The following OXR1 variants were observed in gnomAD, a reference collection of about 807,000 sequenced individuals.
OXR1 encodes the protein oxidation resistance protein 1.
Under a neutral mutation model 104.6 loss-of-function variants are expected in OXR1, and 41 were observed. That is an observed-to-expected ratio of 0.39 (90% CI 0.31 to 0.51). The LOEUF (loss-of-function observed/expected upper bound fraction) is 0.51, where lower values mean the gene tolerates loss of function less well. Among genes scored for constraint, OXR1 ranks in the 20% least tolerant of loss-of-function variants. OXR1 has a pLI of 0.77. For missense variants in OXR1, 955 were observed against 1,031.9 expected, an observed-to-expected ratio of 0.93 and a Z score of 1.02; for synonymous variants, 348 against 348.4, an observed-to-expected ratio of 1.00 and a Z score of 0.01.
At chr8:106,694,733 T>TA (rs1829728308) in intron 7 of OXR1, among the ~76,000 whole-genome samples, 1 of 103,916 alleles carries the variant, frequency 9.6e-6, no homozygotes, top group Non-Finnish European at 1.8e-5. Context: ...TTTATATATT[T>TA]ATATATATAT....
chr8:106,504,521 A>G (rs1812026019), intron 2 of OXR1, among the ~76,000 whole-genome samples: 4 of 152,212 alleles, frequency 2.6e-5, no homozygotes, highest in Admixed American at 2.0e-4. Context: ...AGTGGCTGAT[A>G]GCAAATGGAT....
At chr8:106,663,309 A>T (rs1380794226) in intron 3 of OXR1, among the ~76,000 whole-genome samples, 1 of 152,246 alleles carries the variant, frequency 6.6e-6, no homozygotes, top group Non-Finnish European at 1.5e-5. Flanking sequence ...CAAGAGTTAC[A>T]GTCCTTGAGA....
chr8:106,555,537 TGAAGAGTCTATA>T (rs1448082259), intron 3 of OXR1, among the ~76,000 whole-genome samples: 6 of 152,006 alleles, frequency 3.9e-5, no homozygotes, highest in African/African-American at 1.4e-4. Flanking sequence ...AGCAGGAAAA[TGAAGAGTCTATA>T]GATGAGAAAT....
intron 1 of OXR1, among the ~76,000 whole-genome samples, chr8:106,358,170 C>T (rs947792526): frequency 1.3e-5 from 2 of 152,172 alleles, no homozygotes; most frequent in African/African-American, 4.8e-5. Context: ...TCTTGGACCA[C>T]GAAGGCAAAC....
chr8:106,730,386 A>G (rs1833771441), intron 11 of OXR1, among the ~76,000 whole-genome samples: 1 of 151,848 alleles, frequency 6.6e-6, no homozygotes, highest in Non-Finnish European at 1.5e-5. Context: ...TGCCACAGCT[A>G]TTTATCACTC....
Position 106,487,691 on chromosome 8 carries a change from C to T in OXR1, c.24-31252C>T, listed in dbSNP as rs1273562339. 8.7e-5 allele frequency among the ~76,000 whole-genome samples: 13 copies of T among 148,658 alleles called. No homozygotes were observed. The East Asian group carries it at 1.4e-3, about 16-fold the overall frequency. ...TGCGGTGTTTGGTTTTTTGTTCTTG[C>T]GATAGTTTACTGAGAATGATGATTT... On this transcript the variant is annotated intron_variant, in intron 2 of 16. Transcript: ENST00000517566.
At chr8:106,331,076 C>T (rs1421370897) in intron 1 of OXR1, among the ~76,000 whole-genome samples, 2 of 152,078 alleles carry the variant, frequency 1.3e-5, no homozygotes, top group African/African-American at 4.8e-5. Flanking sequence ...TGGTGAGTTG[C>T]CCAGAATTGC....
At chr8:106,270,670 CG>C (rs894396740) in intron 1 of OXR1, among the ~76,000 whole-genome samples, 1 of 151,918 alleles carries the variant, frequency 6.6e-6, no homozygotes, top group Non-Finnish European at 1.5e-5. Context: ...GGAGACCGGG[CG>C]GGGAGGCTGG....
chr8:106,741,313 C>T (rs1409533018), intron 14 of OXR1, among the ~76,000 whole-genome samples: 1 of 152,042 alleles, frequency 6.6e-6, no homozygotes, highest in Non-Finnish European at 1.5e-5. Context: ...AAAGTTTTAT[C>T]AGTGGGCCAA....
chr8:106,657,710 A>G, intron 3 of OXR1: 1 of 477,602 alleles, frequency 2.1e-6, no homozygotes, highest in Admixed American at 5.0e-5. Flanking sequence ...CACCTATGTG[A>G]CAAGCTAAGT....
At chr8:106,360,309 G>A (rs1025711779) in intron 2 of OXR1, among the ~76,000 whole-genome samples, 2 of 152,012 alleles carry the variant, frequency 1.3e-5, no homozygotes, top group Non-Finnish European at 2.9e-5. Context: ...TTTATATAAC[G>A]AGATGAGTAA....
intron 3 of OXR1, among the ~76,000 whole-genome samples, chr8:106,578,257 A>C (rs951185519): frequency 1.2e-4 from 19 of 152,148 alleles, no homozygotes; most frequent in Non-Finnish European, 2.8e-4. Context: ...CTAGCCCCTG[A>C]GTCAGTAGCT....
chr8:106,587,704 T>A (rs1419850507), intron 3 of OXR1, among the ~76,000 whole-genome samples: 1 of 152,164 alleles, frequency 6.6e-6, no homozygotes, highest in East Asian at 1.9e-4. Context: ...TGTAGCATGG[T>A]TTTTCCTTCC....
At chr8:106,296,980 G>C (rs2130069443) in intron 1 of OXR1, among the ~76,000 whole-genome samples, 1 of 152,262 alleles carries the variant, frequency 6.6e-6, no homozygotes, top group South Asian at 2.1e-4. Context: ...GCACACCCTA[G>C]AGCTGTGATG....
intron 2 of OXR1, among the ~76,000 whole-genome samples, chr8:106,411,430 A>G (rs1340832695): frequency 6.6e-6 from 1 of 152,214 alleles, no homozygotes; most frequent in African/African-American, 2.4e-5. Flanking sequence ...AATTGGCACC[A>G]TGAAGGACAC....
chr8:106,637,700 C>G (rs908918014), intron 3 of OXR1, among the ~76,000 whole-genome samples: 2 of 151,516 alleles, frequency 1.3e-5, no homozygotes, highest in Non-Finnish European at 2.9e-5. Flanking sequence ...TGTAAATTAG[C>G]TCCTATCAAA....
At chr8:106,514,830 G>A (rs914228255) in intron 2 of OXR1, among the ~76,000 whole-genome samples, 3 of 152,066 alleles carry the variant, frequency 2.0e-5, no homozygotes, top group African/African-American at 7.2e-5. Context: ...TTTATAAAAT[G>A]TAAATAATTG....
chr8:106,716,980 G>A (rs1288996884), intron 11 of OXR1, among the ~76,000 whole-genome samples: 1 of 152,106 alleles, frequency 6.6e-6, no homozygotes, highest in Non-Finnish European at 1.5e-5. Flanking sequence ...GAGGTCAGGA[G>A]TTTGAGACCA....
At chr8:106,481,061 G>T (rs968915061) in intron 2 of OXR1, among the ~76,000 whole-genome samples, 1 of 152,018 alleles carries the variant, frequency 6.6e-6, no homozygotes, top group African/African-American at 2.4e-5. Context: ...CCAGGTAATA[G>T]CTAGAACTAA....
Sources: allele counts gnomAD v4.1 joint callset (sites outside exome capture counted in the v4.1 genomes callset), GRCh38; gene constraint gnomAD v4.1.1; transcripts MANE v1.5; gene names NCBI Gene and HGNC (gene_info 2026-07-23, HGNC 2026-07-21).